The following EPB42 variants were observed in gnomAD, a reference collection of about 807,000 sequenced individuals.
The protein encoded by EPB42 is protein 4.2.
A neutral mutation model predicts 76.9 loss-of-function variants in EPB42; 49 were observed. That is an observed-to-expected ratio of 0.64 (90% CI 0.51 to 0.81). EPB42 has a LOEUF of 0.81. Ranked by LOEUF, EPB42 falls within the 30% of genes least tolerant of loss-of-function variation. The probability of loss-of-function intolerance (pLI) is 0.00; values close to 1 mark genes in which losing one functional copy is unlikely to be tolerated. For missense variants in EPB42, 731 were observed against 867.6 expected (o/e 0.84, Z 1.98); for synonymous variants, 310 against 338.4 (o/e 0.92, Z 0.92).
At chr15:43,202,428 G>A (rs928525258) in intron 11 of EPB42, among the ~76,000 whole-genome samples, 9 of 152,024 alleles carry the variant, frequency 5.9e-5, no homozygotes, top group Non-Finnish European at 1.3e-4. Context: ...CCCTACCTCT[G>A]TACTGAAAGG....
At chr15:43,215,430 T>G in intron 2 of EPB42, 102 bp from the exon 3 acceptor site, 1 of 1,323,486 alleles carries the variant, frequency 7.6e-7, no homozygotes. Flanking sequence ...AAATTTGTTT[T>G]TGGAGGATAA....
chr15:43,202,367 C>T (rs1285194963), intron 11 of EPB42, among the ~76,000 whole-genome samples: 4 of 152,220 alleles, frequency 2.6e-5, no homozygotes, highest in African/African-American at 7.2e-5. Flanking sequence ...ACGCCTCACG[C>T]TACCTTCCAT....
At chr15:43,221,037 T>C, upstream of EPB42, 5 of 597,058 alleles carry the variant, frequency 8.4e-6, no homozygotes, top group South Asian at 3.8e-5. Context: ...TCTGCTGGTA[T>C]CTCCTGGACC....
upstream of EPB42, among the ~76,000 whole-genome samples, chr15:43,221,821 TA>T (rs56939497): frequency 0.025 from 2,668 of 107,432 alleles, 30 homozygotes; most frequent in Non-Finnish European, 0.028. Context: ...TCTTATTATG[TA>T]AAAAAAAAAA....
intron 8 of EPB42, 111 bp downstream of exon 8, chr15:43,208,119 T>G: frequency 1.1e-6 from 1 of 898,188 alleles, no homozygotes; most frequent in South Asian, 1.4e-5. Context: ...GTGCTTCTAC[T>G]GTTTTCGAGG....
At chr15:43,203,313 G>GT in intron 10 of EPB42, 38 bp from the exon 11 acceptor site, 1 of 1,613,468 alleles carries the variant, frequency 6.2e-7, no homozygotes, top group Middle Eastern at 1.6e-4. Flanking sequence ...GGCAACAGGT[G>GT]TATGTACCCC....
At chr15:43,221,827 A>AAAC (rs2042463504), upstream of EPB42, among the ~76,000 whole-genome samples, 1 of 148,772 alleles carries the variant, frequency 6.7e-6, no homozygotes, top group South Asian at 2.1e-4. Flanking sequence ...TATGTAAAAA[A>AAAC]AAAAAAAAAA....
chr15:43,224,594 A>G (rs1055575613), upstream of EPB42, among the ~76,000 whole-genome samples: 1 of 152,250 alleles, frequency 6.6e-6, no homozygotes, highest in Non-Finnish European at 1.5e-5. Flanking sequence ...TGAAATTTAT[A>G]CAAGTATATT....
upstream of EPB42, among the ~76,000 whole-genome samples, chr15:43,223,423 G>A (rs1418662812): frequency 6.6e-6 from 1 of 151,938 alleles, no homozygotes; most frequent in East Asian, 1.9e-4. Context: ...AAATCAATAA[G>A]AAAAGAATAA....
intron 1 of EPB42, among the ~76,000 whole-genome samples, chr15:43,219,097 G>A (rs1406564077): frequency 3.3e-5 from 5 of 152,182 alleles, no homozygotes; most frequent in Non-Finnish European, 7.4e-5. Flanking sequence ...GGCGTACTGA[G>A]TTACAGCATT....
intron 11 of EPB42, among the ~76,000 whole-genome samples, chr15:43,202,664 G>C (rs2042143992): frequency 6.6e-6 from 1 of 152,232 alleles, no homozygotes; most frequent in Non-Finnish European, 1.5e-5. Flanking sequence ...TAGACACATG[G>C]AAAGAGGGCT....
intron 11 of EPB42, among the ~76,000 whole-genome samples, chr15:43,202,366 G>A (rs1429679178): frequency 1.3e-5 from 2 of 151,956 alleles, no homozygotes; most frequent in Non-Finnish European, 2.9e-5. Flanking sequence ...CACGCCTCAC[G>A]CTACCTTCCA....
intron 10 of EPB42, among the ~76,000 whole-genome samples, chr15:43,204,065 A>C (rs1412994615): frequency 6.6e-6 from 1 of 151,510 alleles, no homozygotes; most frequent in Non-Finnish European, 1.5e-5. Flanking sequence ...AGCAGGTTCA[A>C]CTCTCTCCCT....
intron 10 of EPB42, 134 bp from the exon 11 acceptor site, chr15:43,203,409 T>A (rs1353674964): frequency 3.4e-6 from 4 of 1,172,616 alleles, no homozygotes; most frequent in African/African-American, 1.5e-5. Flanking sequence ...CCAGCAATTG[T>A]ACACTTGGAA....
intron 1 of EPB42, among the ~76,000 whole-genome samples, chr15:43,219,253 G>A (rs1467103421): frequency 6.6e-6 from 1 of 152,090 alleles, no homozygotes; most frequent in Non-Finnish European, 1.5e-5. Flanking sequence ...AGACATAAAC[G>A]CCCTCAAGAA....
At chr15:43,204,873 T>C (rs975165181) in intron 10 of EPB42, among the ~76,000 whole-genome samples, 1 of 151,716 alleles carries the variant, frequency 6.6e-6, no homozygotes, top group Non-Finnish European at 1.5e-5. Context: ...CATCAGACTC[T>C]GGCGATGAAG....
At chr15:43,205,626 C>T (rs966420875) in intron 10 of EPB42, among the ~76,000 whole-genome samples, 3 of 152,178 alleles carry the variant, frequency 2.0e-5, no homozygotes, top group African/African-American at 4.8e-5. Context: ...TCTTGAACTC[C>T]TGACCTCAGG....
intron 9 of EPB42, 88 bp downstream of exon 9, chr15:43,207,111 C>G: frequency 6.3e-7 from 1 of 1,587,874 alleles, no homozygotes; most frequent in Non-Finnish European, 8.6e-7. Context: ...GGACAAGTCT[C>G]TTTCTGGCTG....
chr15:43,216,048 G>A (rs1347380905), intron 2 of EPB42, among the ~76,000 whole-genome samples: 1 of 152,212 alleles, frequency 6.6e-6, no homozygotes, highest in Non-Finnish European at 1.5e-5. Flanking sequence ...AGAAGCTCTT[G>A]GTGATGCTGC....
Sources: gnomAD v4.1 joint callset for allele counts (sites outside exome capture counted in the v4.1 genomes callset) on GRCh38, gnomAD v4.1.1 for gene constraint, MANE v1.5 for transcripts, NCBI Gene and HGNC (gene_info 2026-07-23, HGNC 2026-07-21) for gene names.